RAB3C: variants seen among roughly 807,000 people sequenced by gnomAD.
RAB3C encodes the protein ras-related protein Rab-3C.
In RAB3C, 17 loss-of-function variants were observed where a neutral mutation model predicts 26.4. The ratio of observed to expected loss-of-function variants is 0.64; its 90% CI spans 0.44 to 0.97. RAB3C has a LOEUF of 0.97. RAB3C is among the 50% of genes least tolerant of loss of function. The probability of loss-of-function intolerance (pLI) is 0.00; values close to 1 mark genes in which losing one functional copy is unlikely to be tolerated. For missense variants in RAB3C, 242 were observed against 281.9 expected (o/e 0.86, Z 1.01); for synonymous variants, 91 against 95.9 (o/e 0.95, Z 0.30).
intron 3 of RAB3C, among the ~76,000 whole-genome samples, chr5:58,786,168 T>C (rs1030957229): frequency 6.6e-6 from 1 of 152,234 alleles, no homozygotes; most frequent in Non-Finnish European, 1.5e-5. Context: ...ACAAGTATGA[T>C]ATTAATCCAC....
chr5:58,687,364 T>C (rs1049072325), intron 2 of RAB3C, among the ~76,000 whole-genome samples: 5 of 152,290 alleles, frequency 3.3e-5, no homozygotes, highest in South Asian at 4.1e-4. Flanking sequence ...TGGAGGATAG[T>C]TCCATTTAAG....
intron 3 of RAB3C, among the ~76,000 whole-genome samples, chr5:58,819,951 T>C (rs1479517550): frequency 6.6e-6 from 1 of 152,202 alleles, no homozygotes; most frequent in Non-Finnish European, 1.5e-5. Flanking sequence ...GTAGATTTCA[T>C]TGCTCGTACA....
upstream of RAB3C, chr5:58,582,899 C>T: frequency 2.0e-6 from 1 of 492,472 alleles, no homozygotes; most frequent in Non-Finnish European, 3.4e-6. Flanking sequence ...AGGGAGGCTC[C>T]GCGGCCGAGC....
intron 2 of RAB3C, among the ~76,000 whole-genome samples, chr5:58,676,574 G>A (rs1015620159): frequency 6.6e-6 from 1 of 152,074 alleles, no homozygotes; most frequent in Non-Finnish European, 1.5e-5. Context: ...ACTGGCAAGG[G>A]TTGAGAATTC....
chr5:58,635,515 T>A (rs140485479), intron 2 of RAB3C, among the ~76,000 whole-genome samples: 196 of 152,326 alleles, frequency 1.3e-3, no homozygotes, highest in African/African-American at 4.6e-3. Flanking sequence ...TCTACAGATA[T>A]TTTTTAGCCA....
upstream of RAB3C, among the ~76,000 whole-genome samples, chr5:58,582,884 G>C (rs1031673632): frequency 1.3e-5 from 2 of 152,222 alleles, no homozygotes; most frequent in African/African-American, 4.8e-5. Context: ...CGTTTGGAAA[G>C]GAGTAGGGAG....
At chr5:58,831,331 A>C (rs756334829) in intron 4 of RAB3C, among the ~76,000 whole-genome samples, 7 of 152,258 alleles carry the variant, frequency 4.6e-5, no homozygotes, top group African/African-American at 4.8e-5. Flanking sequence ...CTAGAAAATA[A>C]CTAGATGATT....
At chr5:58,769,134 G>A (rs910176481) in intron 3 of RAB3C, among the ~76,000 whole-genome samples, 1 of 152,000 alleles carries the variant, frequency 6.6e-6, no homozygotes, top group Non-Finnish European at 1.5e-5. Flanking sequence ...TGAGCTTCTC[G>A]GTAGATGATG....
At chr5:58,814,456 T>G (rs1005944417) in intron 3 of RAB3C, among the ~76,000 whole-genome samples, 1 of 152,240 alleles carries the variant, frequency 6.6e-6, no homozygotes, top group Non-Finnish European at 1.5e-5. Context: ...TACTGGGTTC[T>G]AAGTTTAGCT....
At chr5:58,798,169 C>T (rs1742720041) in intron 3 of RAB3C, among the ~76,000 whole-genome samples, 1 of 152,048 alleles carries the variant, frequency 6.6e-6, no homozygotes. Context: ...AATTTTTCAA[C>T]CATGATTGTA....
chr5:58,832,321 C>T (rs767631315), intron 4 of RAB3C, among the ~76,000 whole-genome samples: 4 of 152,186 alleles, frequency 2.6e-5, no homozygotes, highest in Non-Finnish European at 5.9e-5. Flanking sequence ...AACCACTGAG[C>T]TGAAATAAAT....
intron 2 of RAB3C, among the ~76,000 whole-genome samples, chr5:58,684,041 C>T (rs374037361): frequency 6.6e-6 from 1 of 152,262 alleles, no homozygotes; most frequent in African/African-American, 2.4e-5. Flanking sequence ...CATATTTGTG[C>T]ATTCCACATC....
chr5:58,761,093 C>CA (rs1224514168), intron 3 of RAB3C, among the ~76,000 whole-genome samples: 1 of 102,616 alleles, frequency 9.7e-6, no homozygotes, highest in Non-Finnish European at 2.2e-5. Context: ...ACACACAGCA[C>CA]AAACCATTTA....
intron 2 of RAB3C, among the ~76,000 whole-genome samples, chr5:58,690,303 G>A (rs1185294921): frequency 3.3e-5 from 5 of 152,078 alleles, no homozygotes; most frequent in African/African-American, 1.2e-4. Context: ...TTATTAGTGT[G>A]TAACAAACTA....
At chr5:58,628,613 C>A (rs1182652522) in intron 2 of RAB3C, among the ~76,000 whole-genome samples, 1 of 150,936 alleles carries the variant, frequency 6.6e-6, no homozygotes, top group Non-Finnish European at 1.5e-5. Context: ...ATGGGTTGAA[C>A]CCACCTTGAG....
chr5:58,680,172 C>T (rs561000094), intron 2 of RAB3C, among the ~76,000 whole-genome samples: 1 of 152,158 alleles, frequency 6.6e-6, no homozygotes, highest in Admixed American at 6.5e-5. Context: ...TCAGAAGTTT[C>T]CCTTTTAAAA....
rs922662409 is a variant in RAB3C, at chr5:58,696,628, C to A, written c.253-29374C>A. Among the ~76,000 whole-genome samples the A allele has an allele frequency of 2.6e-5, 4 of 152,150 alleles. No homozygotes were observed. In the South Asian group the frequency reaches 6.2e-4, roughly 24 times the overall value. On this transcript the variant is annotated intron_variant, in intron 2 of 4. Coordinates refer to ENST00000282878, the MANE Select transcript of RAB3C (RefSeq NM_138453.4). ...GTTATTGGTCTATTCAGAGATTAAA[C>A]TTCTTCCTGGTTTAATCTTGGGAGT...
intron 3 of RAB3C, among the ~76,000 whole-genome samples, chr5:58,763,961 C>A (rs140681521): frequency 6.6e-6 from 1 of 152,238 alleles, no homozygotes; most frequent in Admixed American, 6.5e-5. Flanking sequence ...TCTGGGAAGC[C>A]TTTCAACTTG....
intron 1 of RAB3C, among the ~76,000 whole-genome samples, chr5:58,606,509 G>A (rs574619119): frequency 1.3e-5 from 2 of 152,176 alleles, no homozygotes; most frequent in South Asian, 2.1e-4. Context: ...AGACTTAAAC[G>A]TCCCTGTCTG....
Sources: gnomAD v4.1 joint callset for allele counts (sites outside exome capture counted in the v4.1 genomes callset) on GRCh38, gnomAD v4.1.1 for gene constraint, MANE v1.5 for transcripts, NCBI Gene and HGNC (gene_info 2026-07-23, HGNC 2026-07-21) for gene names.